CDC42BPA: variants seen among roughly 807,000 people sequenced by gnomAD.
CDC42BPA encodes the protein serine/threonine-protein kinase MRCK alpha.
A neutral mutation model predicts 223.5 loss-of-function variants in CDC42BPA; 80 were observed. That is an observed-to-expected ratio of 0.36 (90% CI 0.30 to 0.43). The LOEUF is 0.43. Among genes scored for constraint, CDC42BPA ranks in the 20% least tolerant of loss-of-function variants. The pLI, the probability that CDC42BPA is intolerant of heterozygous loss-of-function variation, is 1.00. For synonymous variants in CDC42BPA, 694 were observed against 718.6 expected (o/e 0.97, Z 0.55); for missense variants, 1,743 against 2,099.9 (o/e 0.83, Z 3.32).
rs947290416 is a variant in CDC42BPA at position 227,102,414 on chromosome 1, T to G, written c.2002-1175A>C. ...GAACCAGAGCAAGGCAGATTCTTGC[T>G]CTGAAGCATCGCTATGAAAATGAGA... is the stretch of plus-strand genomic sequence containing the variant. On this transcript the variant is annotated intron_variant, in intron 14 of 36. Coordinates refer to ENST00000366766, the MANE Select transcript of CDC42BPA (RefSeq NM_001394014.1). Among the ~76,000 whole-genome samples, 8 of 152,298 alleles carry G rather than the reference T, an allele frequency of 5.3e-5. No homozygotes were observed. The East Asian group carries it at 1.5e-3, about 29-fold the overall frequency.
rs1694623005 is a variant in CDC42BPA at position 227,317,687 on chromosome 1, A to G, written c.-505T>C. On this transcript the variant is annotated 5_prime_UTR_variant, in exon 1 of 37. Transcript: ENST00000366766. ...AAAAAACAGAATGCATAGAAGGGGGAGGGAAAACCAAAAATGTTGCTGCAA... is the reference window on the plus strand; with the variant it reads ...AAAAAACAGAATGCATAGAAGGGGGGGGGAAAACCAAAAATGTTGCTGCAA... 3 of 398,388 alleles carry G rather than the reference A, an allele frequency of 7.5e-6. No homozygotes were observed. The highest frequency in any genetic ancestry group is 1.3e-5 in the Non-Finnish European group (3 of 226,076). 24.7% of individuals were successfully genotyped at this position (398,388 alleles called of 1,614,324 possible).
chr1:227,303,007 G>GTT (rs201889285), intron 1 of CDC42BPA, among the ~76,000 whole-genome samples: 20,751 of 134,742 alleles, frequency 0.15, 1,625 homozygotes, highest in Middle Eastern at 0.22. Flanking sequence ...GTTTTTTTGG[G>GTT]TTTTTTTTTT....
intron 11 of CDC42BPA, among the ~76,000 whole-genome samples, chr1:227,122,956 G>A (rs1465005693): frequency 6.6e-6 from 1 of 152,170 alleles, no homozygotes; most frequent in Non-Finnish European, 1.5e-5. Context: ...AACACAATTA[G>A]CCATGACATT....
At chr1:227,193,413 G>A (rs899419031) in intron 5 of CDC42BPA, among the ~76,000 whole-genome samples, 3 of 151,812 alleles carry the variant, frequency 2.0e-5, no homozygotes, top group Non-Finnish European at 4.4e-5. Context: ...TTGTTACATG[G>A]ACATATTGTG....
intron 1 of CDC42BPA, among the ~76,000 whole-genome samples, chr1:227,304,194 G>A (rs1244259794): frequency 6.6e-6 from 1 of 152,066 alleles, no homozygotes; most frequent in Admixed American, 6.5e-5. Flanking sequence ...ATCACTTGAG[G>A]CCAGGAGTTC....
chr1:227,030,543 G>T, intron 28 of CDC42BPA, 73 bp from the exon 29 acceptor site: 3 of 881,404 alleles, frequency 3.4e-6, no homozygotes, highest in Non-Finnish European at 5.4e-6. Flanking sequence ...CAGATGATAA[G>T]AACATTTGGT....
In CDC42BPA at chr1:227,264,783, C is replaced by G. The variant is rs1684697594; in HGVS notation, c.179-10628G>C. The stretch of plus-strand genomic sequence containing the variant: ...GGTCTTCCAAGCTTTAAAGAATCTT[C>G]CACTGTTACCTCAGTGACAGAATCT... On this transcript the variant is annotated intron_variant, in intron 1 of 36. Coordinates refer to ENST00000366766, the MANE Select transcript of CDC42BPA (RefSeq NM_001394014.1). 12 of 1,040,556 alleles carry G rather than the reference C, an allele frequency of 1.2e-5. No individual in the cohort carries two copies. The Admixed American group carries it at 1.7e-4, about 15-fold the overall frequency. The allele number at this position is 1,040,556 out of a possible 1,614,324, so 64.5% of individuals were successfully genotyped here. A position where few individuals can be genotyped will look rare whatever the true frequency, so the allele number is the denominator to read the frequency against.
chr1:227,103,740 T>C (rs576147495), intron 14 of CDC42BPA, among the ~76,000 whole-genome samples: 2 of 152,212 alleles, frequency 1.3e-5, no homozygotes. Context: ...ATAAATGAAA[T>C]TGGAATCACC....
chr1:227,163,549 T>C (rs1664484066), intron 5 of CDC42BPA, among the ~76,000 whole-genome samples: 1 of 151,994 alleles, frequency 6.6e-6, no homozygotes, highest in African/African-American at 2.4e-5. Flanking sequence ...TCATTTTACA[T>C]TCCTCTTCTA....
chr1:227,077,788 C>T (rs1679815743), intron 17 of CDC42BPA, among the ~76,000 whole-genome samples: 3 of 152,162 alleles, frequency 2.0e-5, no homozygotes, highest in Non-Finnish European at 4.4e-5. Flanking sequence ...AACTTTCCTA[C>T]TTCAATGATG....
chr1:227,094,804 C>T (rs964930852), intron 15 of CDC42BPA, among the ~76,000 whole-genome samples: 28 of 152,224 alleles, frequency 1.8e-4, no homozygotes, highest in Admixed American at 1.8e-3. Flanking sequence ...TAGTGGCCTA[C>T]AGTCAATTAG....
chr1:227,060,034 T>G (rs940636792), intron 21 of CDC42BPA, among the ~76,000 whole-genome samples: 1 of 142,632 alleles, frequency 7.0e-6, no homozygotes, highest in South Asian at 2.3e-4. Flanking sequence ...TTTTTTGTTT[T>G]TTTTTTTTTT....
chr1:227,044,688 G>A (rs1572451391), intron 23 of CDC42BPA, among the ~76,000 whole-genome samples: 1 of 151,970 alleles, frequency 6.6e-6, no homozygotes, highest in South Asian at 2.1e-4. Context: ...AGAAGGATAT[G>A]GCCCTTTTAC....
intron 17 of CDC42BPA, among the ~76,000 whole-genome samples, chr1:227,077,323 T>G (rs761271570): frequency 6.6e-6 from 1 of 152,176 alleles, no homozygotes; most frequent in Non-Finnish European, 1.5e-5. Context: ...ACATGTGAAT[T>G]TCCAGCCTAA....
At chr1:227,098,370 C>A (rs1684402117) in intron 15 of CDC42BPA, among the ~76,000 whole-genome samples, 1 of 152,118 alleles carries the variant, frequency 6.6e-6, no homozygotes, top group Admixed American at 6.5e-5. Flanking sequence ...TACCTCCTGC[C>A]CCCAAATCCA....
intron 1 of CDC42BPA, among the ~76,000 whole-genome samples, chr1:227,275,715 G>A (rs1171613171): frequency 1.3e-5 from 2 of 151,292 alleles, no homozygotes; most frequent in Non-Finnish European, 2.9e-5. Flanking sequence ...TGATTCTCCT[G>A]CCTCAGCCTG....
intron 1 of CDC42BPA, among the ~76,000 whole-genome samples, chr1:227,294,499 T>C (rs1690263425): frequency 6.6e-6 from 1 of 151,990 alleles, no homozygotes; most frequent in Admixed American, 6.6e-5. Flanking sequence ...TATTTAATGC[T>C]CAAAACAACC....
intron 20 of CDC42BPA, among the ~76,000 whole-genome samples, chr1:227,070,684 A>G (rs1264534181): frequency 6.6e-6 from 1 of 152,038 alleles, no homozygotes; most frequent in South Asian, 2.1e-4. Context: ...GGGAAATAAT[A>G]GTAAATGAAG....
intron 34 of CDC42BPA, chr1:227,010,808 T>TGGCAA: frequency 4.2e-6 from 4 of 959,338 alleles, no homozygotes; most frequent in Non-Finnish European, 5.5e-6. Context: ...GCGGTGTTAC[T>TGGCAA]TATTAAGCCA....
Sources: allele counts gnomAD v4.1 joint callset (sites outside exome capture counted in the v4.1 genomes callset), GRCh38; gene constraint gnomAD v4.1.1; transcripts MANE v1.5; gene names NCBI Gene and HGNC (gene_info 2026-07-23, HGNC 2026-07-21).